The following ANAPC2 variants were observed in gnomAD, a reference collection of about 807,000 sequenced individuals.
ANAPC2 encodes the protein anaphase-promoting complex subunit 2.
A neutral mutation model predicts 84.3 loss-of-function variants in ANAPC2; 29 were observed. That is an observed-to-expected ratio of 0.34 (90% confidence interval 0.26 to 0.47). The LOEUF is 0.47. Ranked by LOEUF, ANAPC2 falls within the 20% of genes least tolerant of loss-of-function variation. ANAPC2 has a pLI of 1.00. For missense variants in ANAPC2, 857 were observed against 1,131.7 expected, an observed-to-expected ratio of 0.76 and a Z score of 3.48; for synonymous variants, 571 against 479.4, an observed-to-expected ratio of 1.19 and a Z score of -2.50.
intron 10 of ANAPC2, among the ~76,000 whole-genome samples, chr9:137,177,859 C>G (rs1461634529): frequency 6.6e-6 from 1 of 152,150 alleles, no homozygotes; most frequent in Non-Finnish European, 1.5e-5. Context: ...ACGGGCGACG[C>G]GGCAGAGACC....
chr9:137,187,909 C>A lies in ANAPC2; in HGVS notation c.312G>T (p.Glu104Asp). 6.2e-7 allele frequency: 1 copy of A among 1,613,822 alleles called. No homozygotes were observed. Among genetic ancestry groups the A allele is most frequent in the Non-Finnish European group, 8.5e-7 (1 of 1,180,040 alleles). ...AISQCENSAD[E>D]PQCLLLLLDA... ...CAAGGAGTAGCAAAAGGCACTGGGG[C>A]TCATCCGCAGAGTTCTCGCATTGGG... The change falls in exon 2 of 13, where the codon GAG becomes GAT. Residue 104 changes from glutamate to aspartate, a missense_variant. By Grantham distance (45) the Glu-to-Asp change is conservative. Around this residue, in one of 3 missense-constraint regions of ANAPC2, gnomAD observed 428 missense variants for 513.8 expected, o/e 0.83. Transcript: ENST00000323927.
chr9:137,179,151 TG>T (rs1369956172), intron 10 of ANAPC2, among the ~76,000 whole-genome samples: 1 of 152,140 alleles, frequency 6.6e-6, no homozygotes, highest in Non-Finnish European at 1.5e-5. Flanking sequence ...ATCCCCTTCC[TG>T]GGGTACCTGG....
Position 137,188,525 on chromosome 9 carries a change from G to A in ANAPC2, c.8C>T (p.Ala3Val). Residue 3 changes from alanine (A) to valine (V), a missense_variant, in exon 1 of 13, where the codon GCG (alanine) becomes GTG (valine). Coordinates refer to ENST00000323927, the MANE Select transcript of ANAPC2 (RefSeq NM_013366.4). MAAAVVVAEGDSD... is the reference protein window; with the variant it reads MAVAVVVAEGDSD... ...GTCCCCCTCCGCCACCACAACTGCC[G>A]CCGCCATCTGCACCCACCGACTCCG... 2.5e-6 allele frequency: 4 copies of A among 1,607,804 alleles called. No homozygotes were observed. The highest frequency in any genetic ancestry group is 1.3e-5 in the African/African-American group (1 of 74,988).
chr9:137,180,392 G>A lies in ANAPC2; in HGVS notation c.1687-8C>T. ...GCGGGAGTCCGCCATGTCCTGAGGA[G>A]GAGCCGGTGTCACGGGGGACCTGCG... is the stretch of plus-strand genomic sequence containing the variant. On this transcript the variant is annotated splice_polypyrimidine_tract_variant and splice_region_variant and intron_variant, in intron 9 of 12. Transcript: ENST00000323927. The A allele has an allele frequency of 6.2e-7, 1 of 1,612,590 alleles. No homozygotes were observed. Among genetic ancestry groups the A allele is most frequent in the Non-Finnish European group, 8.5e-7 (1 of 1,179,864 alleles).
rs750466232 is a variant in ANAPC2, at chr9:137,187,804, G to A, written c.417C>T (p.Gly139=). ...CCTGAGCACCAGTGCCCATCAGCAA[G>A]CCCAGGCGAGTCCATTTCTCCAGCA... ...LELLEKWTRL[G]LLMGTGAQGL... Residue 139 remains glycine (G), a synonymous_variant, in exon 2 of 13, where the codon GGC becomes GGT. Coordinates refer to ENST00000323927, the MANE Select transcript of ANAPC2 (RefSeq NM_013366.4). The A allele has an allele frequency of 5.0e-6, 8 of 1,613,534 alleles. 1 individual carries two copies. In the Admixed American group the frequency reaches 6.7e-5, roughly 13 times the overall value.
rs780237586 is a variant in ANAPC2, at chr9:137,187,810, G to C, written c.411C>G (p.Arg137=). ...CACCAGTGCCCATCAGCAAGCCCAG[G>C]CGAGTCCATTTCTCCAGCAGCTCTA... The part of the protein sequence containing the change: ...RSLELLEKWT[R]LGLLMGTGAQ... Residue 137 remains arginine, a synonymous_variant, in exon 2 of 13, where the codon CGC becomes CGG. Transcript: ENST00000323927. 6.0e-5 allele frequency: 97 copies of C among 1,613,516 alleles called. No homozygotes were observed. The highest frequency in any genetic ancestry group is 7.2e-5 in the Non-Finnish European group (85 of 1,180,056).
chr9:137,187,307 A>AAG, intron 2 of ANAPC2, 174 bp downstream of exon 2: 1 of 805,636 alleles, frequency 1.2e-6, no homozygotes. Context: ...TGAGTGACAG[A>AAG]AGAGAGACAC....
chr9:137,183,291 C>A (rs1439321131), intron 5 of ANAPC2, 49 bp from the exon 6 acceptor site: 5 of 1,486,796 alleles, frequency 3.4e-6, no homozygotes, highest in Non-Finnish European at 4.7e-6. Context: ...GGGACCACAG[C>A]CTCCCAGGGG....
intron 3 of ANAPC2, among the ~76,000 whole-genome samples, chr9:137,185,348 T>C (rs1053045869): frequency 2.6e-5 from 4 of 152,188 alleles, no homozygotes; most frequent in African/African-American, 9.7e-5. Flanking sequence ...GCAGCAACCC[T>C]AGCGTGAGAC....
Position 137,181,880 on chromosome 9 carries a change from G to A in ANAPC2, c.1287-18C>T. ...CCCGCGTCCTGCCGATGTGAGTGCT[G>A]CTGTGGCCCACAGTGTGGACACCCC... On this transcript the variant is annotated intron_variant, in intron 6 of 12. Coordinates refer to ENST00000323927, the MANE Select transcript of ANAPC2 (RefSeq NM_013366.4). The A allele has an allele frequency of 1.3e-6, 2 of 1,593,714 alleles. No homozygotes were observed. The highest frequency in any genetic ancestry group is 8.5e-7 in the Non-Finnish European group (1 of 1,174,746).
intron 10 of ANAPC2, among the ~76,000 whole-genome samples, chr9:137,178,309 C>T (rs1454251398): frequency 3.3e-5 from 5 of 152,232 alleles, no homozygotes; most frequent in Admixed American, 2.0e-4. Flanking sequence ...CAAGGTCGCT[C>T]GGCCAGGAGC....
intron 7 of ANAPC2, 50 bp from the exon 8 acceptor site, chr9:137,180,979 C>A: frequency 6.3e-7 from 1 of 1,595,862 alleles, no homozygotes; most frequent in Non-Finnish European, 8.5e-7. Flanking sequence ...TGGGCAAGGA[C>A]AGGGCCGCCC....
At chr9:137,176,145 C>CAAA (rs1834206509) in intron 10 of ANAPC2, 1 of 230,742 alleles carries the variant, frequency 4.3e-6, no homozygotes, top group African/African-American at 3.7e-5. Context: ...TGAGGTGCAT[C>CAAA]CTAACCCAAC....
chr9:137,175,378 C>G lies in ANAPC2; in HGVS notation c.2115G>C (p.Leu705=). The G allele has an allele frequency of 6.2e-7, 1 of 1,610,904 alleles. No homozygotes were observed. Among genetic ancestry groups the G allele is most frequent in the African/African-American group, 1.3e-5 (1 of 75,000 alleles). Residue 705 remains leucine (L), a synonymous_variant, in exon 12 of 13, where the codon CTG becomes CTC. Transcript: ENST00000323927. ...RMSVWLQQGV[L]REEPPGTFSV... is the part of the protein sequence containing the mutation. Reference sequence around the variant, plus strand: ...AGAAGGTGCCGGGGGGCTCCTCACGCAGCACACCCTGCTGCAGCCACACGG... The same window carrying G: ...AGAAGGTGCCGGGGGGCTCCTCACGGAGCACACCCTGCTGCAGCCACACGG...
rs1173306523 is a variant in ANAPC2, at chr9:137,181,750, C to T, written c.1399G>A (p.Gly467Ser). Residue 467 changes from glycine to serine, a missense_variant, in exon 7 of 13, where the codon GGC (glycine) becomes AGC (serine). By Grantham distance (56) the Gly-to-Ser change is moderately conservative. Around this residue, in one of 3 missense-constraint regions of ANAPC2, gnomAD observed 425 missense variants for 595.5 expected, o/e 0.71. Coordinates refer to ENST00000323927, the MANE Select transcript of ANAPC2 (RefSeq NM_013366.4). ...CCTGAGTCATCCTCACTGTCCTGGC[C>T]TGTCTCCAGGCTCGCCGGGTCGGTC... Reference protein sequence around the residue: ...SKTDPASLETGQDSEDDSGEP... With the variant: ...SKTDPASLETSQDSEDDSGEP... The T allele has an allele frequency of 6.2e-7, 1 of 1,612,388 alleles. No individual in the cohort carries two copies. Among genetic ancestry groups the T allele is most frequent in the Non-Finnish European group, 8.5e-7 (1 of 1,179,978 alleles).
At chr9:137,177,171 G>C (rs774147926) in intron 10 of ANAPC2, 83 of 152,342 alleles carry the variant, frequency 5.4e-4, no homozygotes, top group African/African-American at 1.9e-3. Context: ...TACACCCGCA[G>C]AAGTGCTGCC....
chr9:137,175,897 T>C, intron 10 of ANAPC2, 60 bp from the exon 11 acceptor site: 2 of 1,523,162 alleles, frequency 1.3e-6, no homozygotes, highest in Non-Finnish European at 1.8e-6. Context: ...GCCCGTGGGC[T>C]CTGCCACCTG....
rs1834513772 is a variant in ANAPC2, at chr9:137,187,928, C to T, written c.293G>A (p.Cys98Tyr). ...CTGGGGCTCATCCGCAGAGTTCTCGCATTGGGAGATGGCATTCCAGAACTC... is the reference window on the plus strand; with the variant it reads ...CTGGGGCTCATCCGCAGAGTTCTCGTATTGGGAGATGGCATTCCAGAACTC... ...SPEFWNAISQ[C>Y]ENSADEPQCL... Residue 98 changes from cysteine to tyrosine, a missense_variant, in exon 2 of 13, where the codon TGC (cysteine) becomes TAC (tyrosine). Coordinates refer to ENST00000323927, the MANE Select transcript of ANAPC2 (RefSeq NM_013366.4). The T allele has an allele frequency of 6.2e-7, 1 of 1,613,882 alleles. No homozygotes were observed. The highest frequency in any genetic ancestry group is 2.2e-5 in the East Asian group (1 of 44,888).
chr9:137,186,974 G>C (rs1465250434), intron 2 of ANAPC2: 1 of 169,654 alleles, frequency 5.9e-6, no homozygotes, highest in Admixed American at 5.5e-5. Flanking sequence ...ACCACAAATG[G>C]CCAAGGGTAT....
Sources: gnomAD v4.1 joint callset for allele counts (sites outside exome capture counted in the v4.1 genomes callset) on GRCh38, gnomAD v4.1.1 for gene constraint, gnomAD v4.1.1 regional missense constraint, MANE v1.5 for transcripts, NCBI Gene and HGNC (gene_info 2026-07-23, HGNC 2026-07-21) for gene names.